The following PPFIA2 variants were observed in gnomAD, a reference collection of about 807,000 sequenced individuals.
PPFIA2 encodes the protein PPFI scaffold protein A2, also known as liprin-alpha-2.
Under a neutral mutation model 175.5 loss-of-function variants are expected in PPFIA2, and 46 were observed. That is an observed-to-expected ratio of 0.26 (90% CI 0.21 to 0.34). The LOEUF (loss-of-function observed/expected upper bound fraction) is 0.34, where lower values mean the gene tolerates loss of function less well. PPFIA2 is among the 10% of genes least tolerant of loss of function. The pLI is 1.00. For missense variants in PPFIA2, 1,179 were observed against 1,506.1 expected (o/e 0.78, Z 3.60); for synonymous variants, 568 against 511.4 (o/e 1.11, Z -1.49).
intron 4 of PPFIA2, among the ~76,000 whole-genome samples, chr12:81,557,136 T>C (rs1040889033): frequency 4.0e-5 from 6 of 151,674 alleles, no homozygotes; most frequent in Non-Finnish European, 5.9e-5. Flanking sequence ...TACTGAAGTG[T>C]ATTTCTCTCC....
chr12:81,362,423 A>T (rs2031173605), intron 15 of PPFIA2, among the ~76,000 whole-genome samples: 1 of 151,256 alleles, frequency 6.6e-6, no homozygotes, highest in African/African-American at 2.4e-5. Context: ...TTCTTCAATT[A>T]AGAATCTTTT....
At chr12:81,491,591 A>G (rs1303641493) in intron 4 of PPFIA2, among the ~76,000 whole-genome samples, 2 of 151,888 alleles carry the variant, frequency 1.3e-5, no homozygotes, top group African/African-American at 4.8e-5. Context: ...AAGAGGAGAC[A>G]TGAGATATTG....
In PPFIA2 at chr12:81,301,770, C is replaced by T. The variant is rs78913115; in HGVS notation, c.2643-2388G>A. The stretch of plus-strand genomic sequence containing the variant: ...AGCTCACCTGGAATGCTCTTCCCCT[C>T]TATCTCTACATGGCTAACTCTCTCA... On this transcript the variant is annotated intron_variant, in intron 22 of 32. Transcript: ENST00000549396. Among the ~76,000 whole-genome samples, 212 of 152,296 alleles carry T rather than the reference C, an allele frequency of 1.4e-3. 2 individuals are homozygous for T. The highest frequency in any genetic ancestry group is 4.9e-3 in the African/African-American group (203 of 41,570).
intron 4 of PPFIA2, among the ~76,000 whole-genome samples, chr12:81,591,991 G>C (rs1211424329): frequency 6.6e-6 from 1 of 152,180 alleles, no homozygotes; most frequent in Non-Finnish European, 1.5e-5. Flanking sequence ...AAAGCAGCCA[G>C]GAAGGAGGCT....
At chr12:81,720,688 C>A (rs1426655456) in intron 3 of PPFIA2, among the ~76,000 whole-genome samples, 1 of 151,362 alleles carries the variant, frequency 6.6e-6, no homozygotes, top group African/African-American at 2.4e-5. Flanking sequence ...AGAGGTAATT[C>A]ATCTTATGTA....
chr12:81,661,740 T>A (rs4633532), intron 4 of PPFIA2, among the ~76,000 whole-genome samples: 138,871 of 151,884 alleles, frequency 0.91, 63,646 homozygotes, highest in East Asian at 1. Flanking sequence ...AATAAACAGT[T>A]TATACATTCT....
intron 21 of PPFIA2, among the ~76,000 whole-genome samples, chr12:81,337,399 T>C (rs73354647): frequency 0.03 from 4,588 of 152,214 alleles, 214 homozygotes; most frequent in African/African-American, 0.1. Context: ...TTTCTGACTT[T>C]GGTGGGGTTG....
chr12:81,575,931 A>C (rs2073448776), intron 4 of PPFIA2, among the ~76,000 whole-genome samples: 1 of 151,748 alleles, frequency 6.6e-6, no homozygotes, highest in African/African-American at 2.4e-5. Context: ...ATGTGCTTCC[A>C]CTTTATAAAC....
chr12:81,516,584 T>TA (rs1245575632), intron 4 of PPFIA2, among the ~76,000 whole-genome samples: 1 of 152,058 alleles, frequency 6.6e-6, no homozygotes, highest in African/African-American at 2.4e-5. Flanking sequence ...GACAAACACA[T>TA]ACACAGGAAG....
chr12:81,728,482 T>C lies in PPFIA2; in HGVS notation c.249+25491A>G, dbSNP rs150517166. ...TCCACTACAGCATAATTTTAAATAG[T>C]GCAAGATGAGAAAATTAGTACAACT... On this transcript the variant is annotated intron_variant, in intron 3 of 32. Coordinates refer to ENST00000549396, the MANE Select transcript of PPFIA2 (RefSeq NM_003625.5). Among the ~76,000 whole-genome samples the C allele has an allele frequency of 6.6e-5, 10 of 151,546 alleles. No homozygotes were observed. The East Asian group carries it at 2.0e-3, about 30-fold the overall frequency.
intron 4 of PPFIA2, among the ~76,000 whole-genome samples, chr12:81,617,316 C>T (rs990016346): frequency 4.6e-5 from 7 of 152,178 alleles, no homozygotes; most frequent in African/African-American, 1.7e-4. Flanking sequence ...GCTCCAGTGT[C>T]GCCTCTGTCA....
At chr12:81,453,604 A>C (rs2053055955) in intron 5 of PPFIA2, among the ~76,000 whole-genome samples, 1 of 152,170 alleles carries the variant, frequency 6.6e-6, no homozygotes, top group South Asian at 2.1e-4. Flanking sequence ...AATATTGAAC[A>C]AAAACTTCTT....
intron 4 of PPFIA2, among the ~76,000 whole-genome samples, chr12:81,644,443 G>A (rs1443089385): frequency 6.6e-6 from 1 of 151,872 alleles, no homozygotes; most frequent in Admixed American, 6.6e-5. Flanking sequence ...GTTATTTTAA[G>A]CTAAATCTTA....
At chr12:81,616,881 A>G (rs965374919) in intron 4 of PPFIA2, among the ~76,000 whole-genome samples, 2 of 152,178 alleles carry the variant, frequency 1.3e-5, no homozygotes, top group East Asian at 1.9e-4. Context: ...TATTAATTTG[A>G]TTGAACTGAT....
At chr12:81,385,402 C>T (rs533783528) in intron 8 of PPFIA2, among the ~76,000 whole-genome samples, 20 of 152,186 alleles carry the variant, frequency 1.3e-4, no homozygotes, top group Non-Finnish European at 2.6e-4. Flanking sequence ...ATCTGCACTC[C>T]TATGTTCAAT....
chr12:81,439,183 C>A (rs142031124), intron 7 of PPFIA2, among the ~76,000 whole-genome samples: 10,898 of 148,194 alleles, frequency 0.074, 412 homozygotes, highest in East Asian at 0.1. Context: ...CTCTCTCTCT[C>A]TCTATATATA....
At chr12:81,623,120 C>T (rs143081864) in intron 4 of PPFIA2, among the ~76,000 whole-genome samples, 1,854 of 152,062 alleles carry the variant, frequency 0.012, 45 homozygotes, top group East Asian at 0.042. Context: ...AAAAAGCAGG[C>T]ATAATAATGA....
chr12:81,410,112 T>C (rs2043662099), intron 7 of PPFIA2, among the ~76,000 whole-genome samples: 1 of 152,150 alleles, frequency 6.6e-6, no homozygotes, highest in African/African-American at 2.4e-5. Flanking sequence ...GGTGCCATAA[T>C]GGAAGTAGAA....
chr12:81,392,586 T>C (rs1324461004), intron 8 of PPFIA2, among the ~76,000 whole-genome samples: 1 of 151,950 alleles, frequency 6.6e-6, no homozygotes, highest in Admixed American at 6.6e-5. Flanking sequence ...CCATATTATA[T>C]ATTTACAAAA....
Sources: gnomAD v4.1 joint callset for allele counts (sites outside exome capture counted in the v4.1 genomes callset) on GRCh38, gnomAD v4.1.1 for gene constraint, MANE v1.5 for transcripts, NCBI Gene and HGNC (gene_info 2026-07-23, HGNC 2026-07-21) for gene names.